ZC3H12B: variants seen among roughly 807,000 people sequenced by gnomAD.
The protein encoded by ZC3H12B is probable ribonuclease ZC3H12B.
ZC3H12B carries 7 observed loss-of-function variants against 43.9 expected under a neutral mutation model. The observed-to-expected ratio is 0.16, with a 90% CI of 0.09 to 0.30. ZC3H12B has a LOEUF of 0.30. Ranked by LOEUF, ZC3H12B falls within the 10% of genes least tolerant of loss-of-function variation. ZC3H12B has a pLI of 1.00. For synonymous variants in ZC3H12B, 222 were observed against 241.7 expected, an observed-to-expected ratio of 0.92 and a Z score of 0.76; for missense variants, 475 against 670.2, an observed-to-expected ratio of 0.71 and a Z score of 3.22.
the ZC3H12B span, among the ~76,000 whole-genome samples, chrX:65,205,251 C>A: frequency 9.0e-6 from 1 of 111,521 alleles, no homozygotes; most frequent in Non-Finnish European, 1.9e-5. Flanking sequence ...TCTTTCATAG[C>A]TGTCACTTGT....
chrX:65,115,217 C>G, the ZC3H12B span, among the ~76,000 whole-genome samples: 1 of 107,572 alleles, frequency 9.3e-6, no homozygotes, highest in East Asian at 2.9e-4. Flanking sequence ...CACCCTTTTA[C>G]CCGAGTCCCC....
At chrX:65,286,360 C>T in the ZC3H12B span, among the ~76,000 whole-genome samples, 2 of 111,528 alleles carry the variant, frequency 1.8e-5, no homozygotes, top group Admixed American at 1.9e-4. Flanking sequence ...GGGAGCTAAA[C>T]ATTGGGTACA....
intron 3 of ZC3H12B, among the ~76,000 whole-genome samples, chrX:65,421,926 C>A (rs780034361): frequency 1.0e-5 from 1 of 98,547 alleles, no homozygotes; most frequent in Admixed American, 1.1e-4. Flanking sequence ...CCAGCCTGGG[C>A]GACAGAGCGA....
At chrX:65,253,291 G>A in the ZC3H12B span, among the ~76,000 whole-genome samples, 18 of 112,331 alleles carry the variant, frequency 1.6e-4, no homozygotes, top group South Asian at 1.1e-3. Context: ...TTCATTCCTG[G>A]TCCCCAACAA....
the ZC3H12B span, among the ~76,000 whole-genome samples, chrX:65,093,644 C>A: frequency 2.7e-5 from 3 of 111,882 alleles, no homozygotes; most frequent in Non-Finnish European, 5.6e-5. Context: ...GTGGCTGTAG[C>A]CCCGCCTTTT....
the ZC3H12B span, among the ~76,000 whole-genome samples, chrX:65,284,928 A>G: frequency 9.0e-6 from 1 of 111,501 alleles, no homozygotes; most frequent in African/African-American, 3.2e-5. Flanking sequence ...CTTTTGAAAT[A>G]CTCCAATTAA....
At chrX:65,455,092 A>C (rs1326136925) in intron 3 of ZC3H12B, among the ~76,000 whole-genome samples, 1 of 112,587 alleles carries the variant, frequency 8.9e-6, no homozygotes, top group African/African-American at 3.2e-5. Flanking sequence ...AAAGGAATGC[A>C]GCTCCTCAAC....
At chrX:65,147,548 G>T in the ZC3H12B span, among the ~76,000 whole-genome samples, 11 of 111,272 alleles carry the variant, frequency 9.9e-5, no homozygotes, top group Non-Finnish European at 1.9e-4. Flanking sequence ...GTAGGTCTTG[G>T]GATTGACCTG....
chrX:65,343,624 C>A, the ZC3H12B span, among the ~76,000 whole-genome samples: 1 of 112,224 alleles, frequency 8.9e-6, no homozygotes, highest in Admixed American at 9.5e-5. Context: ...TAACATTTAA[C>A]ACCGCTTCAT....
the ZC3H12B span, among the ~76,000 whole-genome samples, chrX:65,312,476 A>G: frequency 9.1e-6 from 1 of 109,636 alleles, no homozygotes; most frequent in Non-Finnish European, 1.9e-5. Flanking sequence ...ACAAGCACCA[A>G]AAACTGTGAG....
At chrX:65,124,574 T>C in the ZC3H12B span, among the ~76,000 whole-genome samples, 1 of 111,220 alleles carries the variant, frequency 9.0e-6, no homozygotes, top group African/African-American at 3.3e-5. Flanking sequence ...CAGTTCTCCA[T>C]TGAATATCTC....
intron 3 of ZC3H12B, among the ~76,000 whole-genome samples, chrX:65,417,036 C>G (rs752894241): frequency 1.8e-5 from 2 of 111,741 alleles, no homozygotes; most frequent in African/African-American, 6.5e-5. Context: ...CCAGATTATT[C>G]TGATGAAAGT....
the ZC3H12B span, among the ~76,000 whole-genome samples, chrX:65,226,087 GATGAA>G: frequency 1.8e-5 from 2 of 111,519 alleles, no homozygotes; most frequent in Non-Finnish European, 3.8e-5. Flanking sequence ...ATTCACCAAA[GATGAA>G]ATGAAGGAAA....
At chrX:65,375,487 C>T (rs188850699) in intron 2 of ZC3H12B, among the ~76,000 whole-genome samples, 5 of 112,061 alleles carry the variant, frequency 4.5e-5, no homozygotes, top group Admixed American at 9.5e-5. Flanking sequence ...CATGCCACAT[C>T]GCGCCCAACC....
chrX:65,452,361 T>C (rs953707364), intron 3 of ZC3H12B, among the ~76,000 whole-genome samples: 6 of 109,800 alleles, frequency 5.5e-5, no homozygotes, highest in Non-Finnish European at 7.6e-5. Context: ...AATGTACACA[T>C]ATCATTAGCT....
intron 2 of ZC3H12B, among the ~76,000 whole-genome samples, chrX:65,387,352 A>G (rs1268525144): frequency 9.0e-6 from 1 of 111,711 alleles, no homozygotes; most frequent in Non-Finnish European, 1.9e-5. Context: ...CATATTTAGG[A>G]TAGTTAGATT....
the ZC3H12B span, among the ~76,000 whole-genome samples, chrX:65,094,447 A>T: frequency 5.4e-5 from 6 of 111,559 alleles, no homozygotes; most frequent in African/African-American, 1.6e-4. Flanking sequence ...CTCAGTGTAC[A>T]AATGGCTCTC....
the ZC3H12B span, among the ~76,000 whole-genome samples, chrX:65,098,739 G>C: frequency 2.7e-5 from 3 of 111,068 alleles, no homozygotes; most frequent in Non-Finnish European, 5.7e-5. Context: ...GCAATCCGCA[G>C]ACCAGGAGAT....
At chrX:65,188,099 A>G in the ZC3H12B span, among the ~76,000 whole-genome samples, 67 of 110,793 alleles carry the variant, frequency 6.0e-4, no homozygotes, top group Middle Eastern at 4.6e-3. Flanking sequence ...TAACATAATG[A>G]CCTCCAATTC....
Sources: gnomAD v4.1 joint callset for allele counts (sites outside exome capture counted in the v4.1 genomes callset) on GRCh38, gnomAD v4.1.1 for gene constraint, MANE v1.5 for transcripts, NCBI Gene and HGNC (gene_info 2026-07-23, HGNC 2026-07-21) for gene names.